MRPL2: variants seen among roughly 807,000 people sequenced by gnomAD.
MRPL2 encodes large ribosomal subunit protein uL2m.
MRPL2 carries 27 observed loss-of-function variants against 34.6 expected under a neutral mutation model. The observed-to-expected ratio is 0.78, with a 90% confidence interval of 0.58 to 1.08. The LOEUF (loss-of-function observed/expected upper bound fraction) is 1.08. Ranked by LOEUF, MRPL2 falls within the 50% of genes least tolerant of loss-of-function variation. The pLI, the probability that MRPL2 is intolerant of heterozygous loss-of-function variation, is 0.00. For synonymous variants in MRPL2, 155 were observed against 158.0 expected, an observed-to-expected ratio of 0.98 and a Z score of 0.14; for missense variants, 414 against 419.3, an observed-to-expected ratio of 0.99 and a Z score of 0.11.
upstream of MRPL2, chr6:43,059,595 G>A (rs1385238291): frequency 4.0e-5 from 39 of 978,720 alleles, no homozygotes; most frequent in Non-Finnish European, 5.5e-5. Flanking sequence ...CGCCCCCCCA[G>A]ACCCGTCAAA....
chr6:43,059,441 C>G, upstream of MRPL2: 1 of 1,477,614 alleles, frequency 6.8e-7, no homozygotes, highest in Non-Finnish European at 9.0e-7. Flanking sequence ...CGTTGACTGT[C>G]CGGCGCCGTC....
chr6:43,056,232 AG>A (rs1730381794), intron 3 of MRPL2, 36 bp from the exon 4 acceptor site: 9 of 1,612,342 alleles, frequency 5.6e-6, no homozygotes, highest in Non-Finnish European at 6.8e-6. Context: ...CAGACCGTCT[AG>A]GCAGCCCCAC....
Position 43,056,125 on chromosome 6 carries a change from G to T in MRPL2, c.476C>A (p.Ala159Asp), listed in dbSNP as rs774844713. ...GTTAGAGTTCAAGATTGTATCTCCA[G>T]CCTGCATGTTTTCTGTGGCGATGAT... ...RWIIATENMQ[A>D]GDTILNSNHI... Residue 159 changes from alanine (A) to aspartate (D), a missense_variant, in exon 4 of 7, where the codon GCT becomes GAT. Physicochemically the swap from Ala to Asp is moderately radical, Grantham distance 126. Transcript: ENST00000388752. 5 of 1,614,192 alleles carry T rather than the reference G, an allele frequency of 3.1e-6. No individual in the cohort carries two copies. In the South Asian group the frequency reaches 5.5e-5, roughly 18 times the overall value.
intron 2 of MRPL2, 28 bp downstream of exon 2, chr6:43,058,037 G>A (rs749591709): frequency 6.2e-7 from 1 of 1,610,852 alleles, no homozygotes; most frequent in East Asian, 2.2e-5. Flanking sequence ...CCTTTTGACT[G>A]CTTAAATCCC....
rs747383978 is a variant in MRPL2, at chr6:43,055,620, T to C, written c.632-2A>G. The C allele has an allele frequency of 6.2e-7, 1 of 1,613,996 alleles. No homozygotes were observed. Among genetic ancestry groups the C allele is most frequent in the Non-Finnish European group, 8.5e-7 (1 of 1,180,006 alleles). ...TCCGCAGTAGCACACCACACGTCCC[T>C]GGGGAAAGAAGCTGATTTGCCACCC... On this transcript the variant is annotated splice_acceptor_variant, in intron 5 of 6. Coordinates refer to ENST00000388752, the MANE Select transcript of MRPL2 (RefSeq NM_015950.5). LOFTEE classifies it high-confidence loss of function.
Position 43,056,212 on chromosome 6 carries a change from G to C in MRPL2, c.405-16C>G. The stretch of plus-strand genomic sequence containing the variant: ...GTCTGCTGACCTAATCAGGGTGAGG[G>C]ACAGGTAAGCAGACCGTCTAGGCAG... On this transcript the variant is annotated splice_polypyrimidine_tract_variant and intron_variant, in intron 3 of 6. Transcript: ENST00000388752. 1 of 1,612,920 alleles carries C rather than the reference G, an allele frequency of 6.2e-7. No homozygotes were observed. Among genetic ancestry groups the C allele is most frequent in the Non-Finnish European group, 8.5e-7 (1 of 1,178,920 alleles).
Position 43,059,388 on chromosome 6 carries a change from G to A in MRPL2, c.-7C>T, listed in dbSNP as rs557805246. Reference sequence around the variant, plus strand: ...TCAGTGCGCACAGGGCCATCAGCACGACACCCTTACTTTTAGCCAAGCTGC... The same window carrying A: ...TCAGTGCGCACAGGGCCATCAGCACAACACCCTTACTTTTAGCCAAGCTGC... On this transcript the variant is annotated 5_prime_UTR_variant, in exon 1 of 7. Transcript: ENST00000388752. 4.0e-5 allele frequency: 62 copies of A among 1,542,546 alleles called. No individual in the cohort carries two copies. The highest frequency in any genetic ancestry group is 5.2e-5 in the Non-Finnish European group (59 of 1,140,922).
Position 43,054,459 on chromosome 6 carries a change from C to T in MRPL2, c.733G>A (p.Gly245Ser). Reference protein sequence around the residue: ...QVLETCVATVGRVSNVDHNKR... With the variant: ...QVLETCVATVSRVSNVDHNKR... ...TTATGATCAACGTTGGATACTCGGC[C>T]TACTGTTGCTACGCACGTTTCCAGC... The change falls in exon 7 of 7, where the codon GGC becomes AGC. Residue 245 changes from glycine to serine, a missense_variant. Physicochemically the swap from Gly to Ser is moderately conservative, Grantham distance 56. Coordinates refer to ENST00000388752, the MANE Select transcript of MRPL2 (RefSeq NM_015950.5). 1 of 1,614,196 alleles carries T rather than the reference C, an allele frequency of 6.2e-7. No individual in the cohort carries two copies. Among genetic ancestry groups the T allele is most frequent in the South Asian group, 1.1e-5 (1 of 91,088 alleles).
In MRPL2 at chr6:43,058,166, G is replaced by A. The variant is rs751079569; in HGVS notation, c.164C>T (p.Thr55Ile). 24 of 1,614,128 alleles carry A rather than the reference G, an allele frequency of 1.5e-5. No individual in the cohort carries two copies. Among genetic ancestry groups the A allele is most frequent in the Non-Finnish European group, 1.9e-5 (23 of 1,180,056 alleles). Residue 55 changes from threonine to isoleucine, a missense_variant, in exon 2 of 7, where the codon ACT becomes ATT. Transcript: ENST00000388752. ...AAAGTTGGCATTAAGGGCCACAGAA[G>A]TAAGAACTGGGCGGCAGGGGAGCAA... The part of the protein sequence containing the change: ...LMLLPCRPVL[T>I]SVALNANFVS...
intron 2 of MRPL2, 165 bp downstream of exon 2, chr6:43,057,900 C>G: frequency 1.4e-6 from 1 of 699,266 alleles, no homozygotes; most frequent in East Asian, 2.6e-5. Context: ...GCTTTGTATT[C>G]TACTCTCTGA....
intron 6 of MRPL2, among the ~76,000 whole-genome samples, chr6:43,054,936 G>A (rs527506364): frequency 6.6e-6 from 1 of 151,812 alleles, no homozygotes; most frequent in South Asian, 2.1e-4. Flanking sequence ...AAATTAGCCT[G>A]GTGGAGTGGT....
rs755293078 is a variant in MRPL2, at chr6:43,058,179, G to A, written c.151C>T (p.Arg51Cys). 27 of 1,614,070 alleles carry A rather than the reference G, an allele frequency of 1.7e-5. No individual in the cohort carries two copies. The Admixed American group carries it at 2.8e-4, about 17-fold the overall frequency. Reference protein sequence around the residue: ...QPSALMLLPCRPVLTSVALNA... With the variant: ...QPSALMLLPCCPVLTSVALNA... ...AGGGCCACAGAAGTAAGAACTGGGC[G>A]GCAGGGGAGCAACATCAAGGCAGAG... Residue 51 changes from arginine to cysteine, a missense_variant, in exon 2 of 7, where the codon CGC (arginine) becomes TGC (cysteine). Transcript: ENST00000388752.
chr6:43,059,521 A>C (rs571967430), upstream of MRPL2: 7 of 1,430,368 alleles, frequency 4.9e-6, no homozygotes, highest in Non-Finnish European at 6.4e-6. Context: ...CTCCTTTCCT[A>C]CCTGAACGCC....
chr6:43,059,067 C>A, intron 1 of MRPL2: 1 of 1,423,422 alleles, frequency 7.0e-7, no homozygotes. Context: ...AACCGGTGAT[C>A]TGCAAAGCAC....
At chr6:43,055,471 G>A (rs1337345085) in intron 6 of MRPL2, 74 bp downstream of exon 6, 4 of 1,411,784 alleles carry the variant, frequency 2.8e-6, no homozygotes, top group South Asian at 2.4e-5. Flanking sequence ...ACACCTGGGA[G>A]CTATCCCAGA....
At chr6:43,056,956 A>G (rs1371231767) in intron 2 of MRPL2, among the ~76,000 whole-genome samples, 1 of 152,260 alleles carries the variant, frequency 6.6e-6, no homozygotes, top group Non-Finnish European at 1.5e-5. Context: ...TACAGGCGTG[A>G]GCCACTGCGC....
In MRPL2 at chr6:43,058,753, G is replaced by A. The variant is rs149171459; in HGVS notation, c.97-520C>T. ...TGTGTGACTCACCAGTCACCCACTA[G>A]GACCTCAGGATACCTTCCCCTGAGG... On this transcript the variant is annotated intron_variant, in intron 1 of 6. Transcript: ENST00000388752. Among the ~76,000 whole-genome samples the A allele has an allele frequency of 4.9e-4, 74 of 152,290 alleles. 1 individual carries two copies. The East Asian group carries it at 0.013, about 28-fold the overall frequency.
chr6:43,058,188 G>A lies in MRPL2; in HGVS notation c.142C>T (p.Leu48Phe), dbSNP rs758631234. 5 of 1,614,070 alleles carry A rather than the reference G, an allele frequency of 3.1e-6. No homozygotes were observed. Residue 48 changes from leucine to phenylalanine, a missense_variant, in exon 2 of 7, where the codon CTC becomes TTC. By Grantham distance (22) the Leu-to-Phe change is conservative. Transcript: ENST00000388752. Reference protein sequence around the residue: ...LLQQPSALMLLPCRPVLTSVA... With the variant: ...LLQQPSALMLFPCRPVLTSVA... Reference sequence around the variant, plus strand: ...GAAGTAAGAACTGGGCGGCAGGGGAGCAACATCAAGGCAGAGGGCTGTTGG... The same window carrying A: ...GAAGTAAGAACTGGGCGGCAGGGGAACAACATCAAGGCAGAGGGCTGTTGG...
At position 43,059,371 on chromosome 6, in the gene MRPL2, C is replaced by A; in HGVS notation, c.11G>T (p.Cys4Phe). The A allele has an allele frequency of 6.4e-7, 1 of 1,550,498 alleles. No homozygotes were observed. Among genetic ancestry groups the A allele is most frequent in the African/African-American group, 1.4e-5 (1 of 73,120 alleles). The change falls in exon 1 of 7, where the codon TGC becomes TTC. Residue 4 changes from cysteine to phenylalanine, a missense_variant. Transcript: ENST00000388752. MALCALTRALRSLN... is the reference protein window; with the variant it reads MALFALTRALRSLN... The stretch of plus-strand genomic sequence containing the variant: ...AGAGCGCAGAGCGCGGGTCAGTGCG[C>A]ACAGGGCCATCAGCACGACACCCTT...
Sources: allele counts gnomAD v4.1 joint callset (sites outside exome capture counted in the v4.1 genomes callset), GRCh38; gene constraint gnomAD v4.1.1; transcripts MANE v1.5; gene names NCBI Gene and HGNC (gene_info 2026-07-23, HGNC 2026-07-21).